The following MSRA variants were observed in gnomAD, a reference collection of about 807,000 sequenced individuals.
The protein encoded by MSRA is methionine sulfoxide reductase A, also known as mitochondrial peptide methionine sulfoxide reductase.
A neutral mutation model predicts 31.3 loss-of-function variants in MSRA; 54 were observed. The ratio of observed to expected loss-of-function variants is 1.73; its 90% CI spans 1.39 to 2.17. MSRA has a LOEUF of 2.17. Ranked by LOEUF, MSRA falls within the 30% of genes most tolerant of loss-of-function variation. The pLI is 0.00. For synonymous variants in MSRA, 169 were observed against 116.5 expected (o/e 1.45, Z -2.90); for missense variants, 507 against 300.9 (o/e 1.69, Z -5.07).
chr8:10,339,743 G>C (rs1019957600), intron 5 of MSRA, among the ~76,000 whole-genome samples: 1 of 150,466 alleles, frequency 6.6e-6, no homozygotes, highest in African/African-American at 2.5e-5. Flanking sequence ...GGGTTTCACC[G>C]TGTTAGCCAG....
intron 5 of MSRA, among the ~76,000 whole-genome samples, chr8:10,357,770 C>T (rs1337591071): frequency 6.6e-6 from 1 of 152,178 alleles, no homozygotes; most frequent in African/African-American, 2.4e-5. Context: ...AGTGGACACA[C>T]CATACAATGT....
At chr8:10,211,133 C>G (rs1192444308) in intron 2 of MSRA, among the ~76,000 whole-genome samples, 1 of 152,004 alleles carries the variant, frequency 6.6e-6, no homozygotes, top group Non-Finnish European at 1.5e-5. Context: ...CTACAGATGA[C>G]CATTGAACTT....
At chr8:10,426,975 G>GGGCCTAAAGATCCTCGATC (rs150708321) in intron 5 of MSRA, among the ~76,000 whole-genome samples, 1 of 152,054 alleles carries the variant, frequency 6.6e-6, no homozygotes, top group Non-Finnish European at 1.5e-5. Context: ...CGGACCTGCT[G>GGGCCTAAAGATCCTCGATC]GGCCTTCTGC....
chr8:10,251,205 A>G (rs1307316559), intron 3 of MSRA, among the ~76,000 whole-genome samples: 1 of 136,998 alleles, frequency 7.3e-6, no homozygotes. Flanking sequence ...ACAACTCAGT[A>G]TACTTTTTTT....
At chr8:10,219,335 A>G (rs907753123) in intron 2 of MSRA, among the ~76,000 whole-genome samples, 27 of 152,176 alleles carry the variant, frequency 1.8e-4, no homozygotes, top group African/African-American at 5.8e-4. Context: ...AGGTGTAGGT[A>G]AAACTGTTCG....
intron 5 of MSRA, among the ~76,000 whole-genome samples, chr8:10,385,226 G>A (rs1806313168): frequency 2.0e-5 from 3 of 152,166 alleles, no homozygotes; most frequent in Admixed American, 6.5e-5. Flanking sequence ...GGCACGCCAG[G>A]GTGATCAGAC....
chr8:10,273,527 G>T (rs1435000169), intron 3 of MSRA, among the ~76,000 whole-genome samples: 1 of 152,112 alleles, frequency 6.6e-6, no homozygotes, highest in African/African-American at 2.4e-5. Flanking sequence ...TACTTGGTAT[G>T]TAATAAGAGT....
At chr8:10,069,241 A>C (rs73526782) in intron 1 of MSRA, among the ~76,000 whole-genome samples, 8 of 151,906 alleles carry the variant, frequency 5.3e-5, no homozygotes, top group African/African-American at 1.9e-4. Context: ...CAATCTGTAC[A>C]CCTTTTATTT....
rs578097515 is a variant in MSRA at position 10,335,217 on chromosome 8, C to T, written c.543+15228C>T. Among the ~76,000 whole-genome samples the T allele has an allele frequency of 3.7e-4, 55 of 148,234 alleles. 1 individual carries two copies. Among genetic ancestry groups the T allele is most frequent in the Non-Finnish European group, 6.5e-4 (44 of 67,320 alleles). On this transcript the variant is annotated intron_variant, in intron 5 of 5. Transcript: ENST00000317173. Reference sequence around the variant, plus strand: ...AAGGCTCATAAGGGAAAGTGAGCCACCTTTTCCTTCACCCTTAACACCTCC... The same window carrying T: ...AAGGCTCATAAGGGAAAGTGAGCCATCTTTTCCTTCACCCTTAACACCTCC...
intron 1 of MSRA, among the ~76,000 whole-genome samples, chr8:10,197,640 TTGG>T (rs1389309467): frequency 6.6e-6 from 1 of 152,150 alleles, no homozygotes; most frequent in Non-Finnish European, 1.5e-5. Context: ...TCCCCAGGCC[TTGG>T]TGGGGCAGAT....
At chr8:10,299,549 C>G (rs1800731213) in intron 3 of MSRA, among the ~76,000 whole-genome samples, 1 of 151,832 alleles carries the variant, frequency 6.6e-6, no homozygotes, top group South Asian at 2.1e-4. Flanking sequence ...ATGGACTAGC[C>G]AATTAATAAT....
chr8:10,095,950 G>A, intron 1 of MSRA: 1 of 1,358,726 alleles, frequency 7.4e-7, no homozygotes. Flanking sequence ...TAATTAGAGG[G>A]AATATTAATT....
At chr8:10,367,252 A>T (rs1033396098) in intron 5 of MSRA, among the ~76,000 whole-genome samples, 1 of 152,202 alleles carries the variant, frequency 6.6e-6, no homozygotes, top group Non-Finnish European at 1.5e-5. Context: ...AGTAAGAACA[A>T]TAAGATATTT....
At chr8:10,425,585 G>A (rs895015831) in intron 5 of MSRA, among the ~76,000 whole-genome samples, 2 of 152,244 alleles carry the variant, frequency 1.3e-5, no homozygotes, top group African/African-American at 4.8e-5. Flanking sequence ...GGAAGAGGGT[G>A]GATCTCAGAC....
rs1809778748 is a variant in MSRA, at chr8:10,214,221, AC to A, written c.211+6321del. Among the ~76,000 whole-genome samples, 4 of 152,090 alleles carry A rather than the reference AC, an allele frequency of 2.6e-5. 1 individual carries two copies. In the South Asian group the frequency reaches 8.3e-4, roughly 32 times the overall value. ...GAGTGTTCGCGTGACCTTTTTTTGA[AC>A]AGCTGTGTGAATGGACAGGTCCCGG... On this transcript the variant is annotated intron_variant, in intron 2 of 5. Coordinates refer to ENST00000317173, the MANE Select transcript of MSRA (RefSeq NM_012331.5).
At chr8:10,112,776 G>T (rs566899747) in intron 1 of MSRA, among the ~76,000 whole-genome samples, 1 of 150,474 alleles carries the variant, frequency 6.6e-6, no homozygotes, top group Non-Finnish European at 1.5e-5. Flanking sequence ...CAGGGGTGGG[G>T]TTGGAGAAGT....
At chr8:10,348,308 G>C (rs984640342) in intron 5 of MSRA, among the ~76,000 whole-genome samples, 12 of 149,042 alleles carry the variant, frequency 8.1e-5, no homozygotes, top group Non-Finnish European at 1.8e-4. Flanking sequence ...GCCTACACCA[G>C]CAGCATGGCC....
At chr8:10,216,734 G>A (rs1417631004) in intron 2 of MSRA, among the ~76,000 whole-genome samples, 1 of 152,182 alleles carries the variant, frequency 6.6e-6, no homozygotes, top group Non-Finnish European at 1.5e-5. Context: ...CATCCATGTT[G>A]TATTGTGTAT....
At chr8:10,295,091 T>C (rs1800460856) in intron 3 of MSRA, among the ~76,000 whole-genome samples, 1 of 152,148 alleles carries the variant, frequency 6.6e-6, no homozygotes. Flanking sequence ...TAGAGATCTC[T>C]GCTGCTCCCG....
Sources: allele counts gnomAD v4.1 joint callset (sites outside exome capture counted in the v4.1 genomes callset), GRCh38; gene constraint gnomAD v4.1.1; transcripts MANE v1.5; gene names NCBI Gene and HGNC (gene_info 2026-07-23, HGNC 2026-07-21).